The following UNC5C variants were observed in gnomAD, a reference collection of about 807,000 sequenced individuals.
UNC5C encodes the protein unc-5 netrin receptor C.
In UNC5C, 47 loss-of-function variants were observed where a neutral mutation model predicts 99.8. That is an observed-to-expected ratio of 0.47 (90% CI 0.37 to 0.60). The LOEUF (loss-of-function observed/expected upper bound fraction) is 0.60. Among genes scored for constraint, UNC5C ranks in the 20% least tolerant of loss-of-function variants. The pLI is 0.00. For synonymous variants in UNC5C, 487 were observed against 452.2 expected, an observed-to-expected ratio of 1.08 and a Z score of -0.98; for missense variants, 1,062 against 1,165.9, an observed-to-expected ratio of 0.91 and a Z score of 1.30.
intron 1 of UNC5C, among the ~76,000 whole-genome samples, chr4:95,429,903 A>G (rs952978499): frequency 1.6e-4 from 25 of 152,132 alleles, no homozygotes; most frequent in African/African-American, 6.0e-4. Context: ...AAAGAAGCCA[A>G]TCTGAAAAGG....
chr4:95,541,423 G>A (rs112143067), intron 1 of UNC5C, among the ~76,000 whole-genome samples: 11 of 152,026 alleles, frequency 7.2e-5, no homozygotes, highest in Non-Finnish European at 1.6e-4. Context: ...GGCATCCATT[G>A]GGGGTCTTGG....
chr4:95,298,518 G>A (rs529910624), intron 3 of UNC5C, among the ~76,000 whole-genome samples: 1 of 152,180 alleles, frequency 6.6e-6, no homozygotes, highest in South Asian at 2.1e-4. Context: ...CAGGGTTTTT[G>A]TGCCAGCCGC....
At chr4:95,396,751 T>C (rs1321961771) in intron 1 of UNC5C, among the ~76,000 whole-genome samples, 2 of 152,330 alleles carry the variant, frequency 1.3e-5, no homozygotes, top group African/African-American at 4.8e-5. Context: ...CTCCCATTAC[T>C]GAATTACTGA....
At chr4:95,349,357 G>A (rs1316704439) in intron 1 of UNC5C, among the ~76,000 whole-genome samples, 6 of 130,352 alleles carry the variant, frequency 4.6e-5, no homozygotes, top group Non-Finnish European at 1.0e-4. Flanking sequence ...GTGTGGGTGG[G>A]TGGCTGTATC....
intron 1 of UNC5C, among the ~76,000 whole-genome samples, chr4:95,347,296 G>T (rs111315399): frequency 0.018 from 2,792 of 152,056 alleles, 88 homozygotes; most frequent in East Asian, 0.096. Context: ...CCATGTTCGT[G>T]GGCTGGAAGA....
At chr4:95,448,238 G>GAC (rs1747175432) in intron 1 of UNC5C, among the ~76,000 whole-genome samples, 3 of 136,938 alleles carry the variant, frequency 2.2e-5, no homozygotes, top group Non-Finnish European at 3.2e-5. Flanking sequence ...GAGAGAGAGA[G>GAC]AGAGAGAGAG....
intron 1 of UNC5C, among the ~76,000 whole-genome samples, chr4:95,386,352 A>G (rs1464468767): frequency 6.6e-6 from 1 of 152,008 alleles, no homozygotes; most frequent in Non-Finnish European, 1.5e-5. Context: ...ATATCTCCCA[A>G]TGCTATCCCT....
chr4:95,221,312 A>G (rs1579243050), intron 7 of UNC5C, among the ~76,000 whole-genome samples: 1 of 152,212 alleles, frequency 6.6e-6, no homozygotes, highest in South Asian at 2.1e-4. Context: ...CTAGAATTTT[A>G]TGGTCAATTT....
intron 1 of UNC5C, among the ~76,000 whole-genome samples, chr4:95,423,279 G>T (rs917092361): frequency 1.3e-5 from 2 of 152,172 alleles, no homozygotes; most frequent in Non-Finnish European, 2.9e-5. Flanking sequence ...AAAGACAACA[G>T]TGCTTTGGCC....
chr4:95,435,383 A>G (rs1026926), intron 1 of UNC5C, among the ~76,000 whole-genome samples: 70,594 of 151,892 alleles, frequency 0.46, 17,638 homozygotes, highest in Non-Finnish European at 0.57. Context: ...ACCGTCTTCA[A>G]TTAGAAAGTT....
At chr4:95,299,774 A>G (rs906985981) in intron 3 of UNC5C, among the ~76,000 whole-genome samples, 3 of 152,194 alleles carry the variant, frequency 2.0e-5, no homozygotes, top group Admixed American at 6.5e-5. Context: ...CAGCATAGGG[A>G]AAATCCACCC....
intron 2 of UNC5C, among the ~76,000 whole-genome samples, chr4:95,331,759 C>A (rs1743121761): frequency 6.6e-6 from 1 of 152,052 alleles, no homozygotes; most frequent in Non-Finnish European, 1.5e-5. Context: ...ATAAAGATTT[C>A]ACAGAGAAGA....
At chr4:95,525,174 A>T (rs1353972427) in intron 1 of UNC5C, among the ~76,000 whole-genome samples, 2 of 152,086 alleles carry the variant, frequency 1.3e-5, no homozygotes, top group African/African-American at 2.4e-5. Context: ...CTGAGAATGC[A>T]CTCCCCTGTG....
At chr4:95,171,887 C>T (rs946083786) in intron 14 of UNC5C, among the ~76,000 whole-genome samples, 9 of 152,104 alleles carry the variant, frequency 5.9e-5, no homozygotes, top group African/African-American at 2.2e-4. Context: ...TCTCCACATC[C>T]TCTCTAGCAC....
At chr4:95,445,207 T>A (rs1339188987) in intron 1 of UNC5C, among the ~76,000 whole-genome samples, 1 of 152,208 alleles carries the variant, frequency 6.6e-6, no homozygotes, top group Admixed American at 6.5e-5. Flanking sequence ...TAAATTAAAT[T>A]ACTAAGGTTT....
At chr4:95,381,692 CAATG>C (rs1272643824) in intron 1 of UNC5C, among the ~76,000 whole-genome samples, 2 of 152,006 alleles carry the variant, frequency 1.3e-5, no homozygotes, top group African/African-American at 4.8e-5. Context: ...TTACTGTCAA[CAATG>C]AATATCTGAA....
At chr4:95,426,144 C>T (rs1746478163) in intron 1 of UNC5C, among the ~76,000 whole-genome samples, 1 of 152,214 alleles carries the variant, frequency 6.6e-6, no homozygotes, top group South Asian at 2.1e-4. Flanking sequence ...ATAGCATGTG[C>T]TCACTTCATA....
chr4:95,485,568 C>T (rs745666203), intron 1 of UNC5C, among the ~76,000 whole-genome samples: 3 of 151,706 alleles, frequency 2.0e-5, no homozygotes, highest in African/African-American at 4.8e-5. Context: ...ACAAATTAGT[C>T]GAACACCTTA....
chr4:95,442,753 G>T (rs556874760), intron 1 of UNC5C, among the ~76,000 whole-genome samples: 22 of 152,146 alleles, frequency 1.4e-4, no homozygotes, highest in Admixed American at 5.2e-4. Flanking sequence ...CAAATAATTA[G>T]TAATGTATGC....
Sources: allele counts gnomAD v4.1 joint callset (sites outside exome capture counted in the v4.1 genomes callset), GRCh38; gene constraint gnomAD v4.1.1; transcripts MANE v1.5; gene names NCBI Gene and HGNC (gene_info 2026-07-23, HGNC 2026-07-21).